Variants in KAT6A observed in about 807,000 individuals in gnomAD.
The protein encoded by KAT6A is lysine acetyltransferase 6A.
In KAT6A, 9 loss-of-function variants were observed where a neutral mutation model predicts 198.4. The ratio of observed to expected loss-of-function variants is 0.05; its 90% confidence interval spans 0.03 to 0.08. The LOEUF (loss-of-function observed/expected upper bound fraction) is 0.08. Ranked by LOEUF, KAT6A falls within the 10% of genes least tolerant of loss-of-function variation. The pLI is 1.00. For synonymous variants in KAT6A, 890 were observed against 883.0 expected (o/e 1.01, Z -0.14); for missense variants, 2,077 against 2,509.9 (o/e 0.83, Z 3.69).
At chr8:41,934,966 A>T (rs1017071766) in intron 16 of KAT6A, 99 bp from the exon 17 acceptor site, 2 of 972,964 alleles carry the variant, frequency 2.1e-6, no homozygotes, top group Non-Finnish European at 3.1e-6. Flanking sequence ...TGACTTTATT[A>T]ATCATTACTT....
rs370618552 is a variant in KAT6A, at chr8:41,934,662, T to C, written c.3558A>G (p.Ala1186=). ...SREIMPVSTQ[A]CVIEPIVSIP... is the part of the protein sequence containing the mutation. ...TGGAAACGATGGGCTCAATGACGCA[T>C]GCTTGAGTAGAAACTGGCATGATTT... The change falls in exon 17 of 17, where the codon GCA becomes GCG. Residue 1186 remains alanine (A), a synonymous_variant. Coordinates refer to ENST00000265713, the MANE Select transcript of KAT6A (RefSeq NM_006766.5). 1.2e-6 allele frequency: 2 copies of C among 1,614,090 alleles called. No individual in the cohort carries two copies. Among genetic ancestry groups the C allele is most frequent in the Non-Finnish European group, 1.7e-6 (2 of 1,180,046 alleles).
chr8:41,940,765 G>T, intron 15 of KAT6A, 77 bp downstream of exon 15: 1 of 1,508,930 alleles, frequency 6.6e-7, no homozygotes, highest in Non-Finnish European at 8.9e-7. Flanking sequence ...TACTCTTTCA[G>T]AACTGTAAGC....
chr8:41,956,475 C>A (rs894761690), intron 8 of KAT6A, among the ~76,000 whole-genome samples: 3 of 152,186 alleles, frequency 2.0e-5, no homozygotes, highest in African/African-American at 7.2e-5. Context: ...TTGGAGCATG[C>A]AGACACACAT....
At chr8:41,992,550 G>A (rs1029632083) in intron 2 of KAT6A, among the ~76,000 whole-genome samples, 16 of 152,174 alleles carry the variant, frequency 1.1e-4, no homozygotes, top group Admixed American at 1.0e-3. Context: ...AAACAGGGGT[G>A]AGAGCATGGA....
Position 41,933,118 on chromosome 8 carries a change from G to A in KAT6A, c.5102C>T (p.Pro1701Leu), listed in dbSNP as rs199692549. ...GTTATTCATACTACACTGTGACAGC[G>A]GGGGCTGCTGCTGGGGAGGGGGTGG... is the stretch of plus-strand genomic sequence containing the variant. The part of the protein sequence containing the change: ...PPPPPPQQQP[P>L]LSQCSMNNSF... Residue 1701 changes from proline to leucine, a missense_variant, in exon 17 of 17, where the codon CCG becomes CTG. By Grantham distance (98) the Pro-to-Leu change is moderately conservative. This residue lies in a region of KAT6A where 500 missense variants were observed against 577.2 expected (regional missense o/e 0.87). Coordinates refer to ENST00000265713, the MANE Select transcript of KAT6A (RefSeq NM_006766.5). This position sits in a 1 kb window ranked among gnomAD's most constrained non-coding sequence, Gnocchi z 6.2. 4.3e-5 allele frequency: 70 copies of A among 1,610,214 alleles called. No individual in the cohort carries two copies. The highest frequency in any genetic ancestry group is 1.8e-4 in the Middle Eastern group (1 of 5,664).
At chr8:41,989,998 A>T (rs1824847736) in intron 2 of KAT6A, among the ~76,000 whole-genome samples, 1 of 152,206 alleles carries the variant, frequency 6.6e-6, no homozygotes, top group African/African-American at 2.4e-5. Context: ...AGTATGAAAA[A>T]AGAACTGGGG....
At chr8:42,036,911 GT>G (rs1019329430) in intron 2 of KAT6A, among the ~76,000 whole-genome samples, 7 of 152,128 alleles carry the variant, frequency 4.6e-5, no homozygotes, top group African/African-American at 1.7e-4. Flanking sequence ...TCCAAAGTGT[GT>G]TCATGAGGGT....
At chr8:42,036,764 G>T (rs539603922) in intron 2 of KAT6A, among the ~76,000 whole-genome samples, 1 of 152,120 alleles carries the variant, frequency 6.6e-6, no homozygotes, top group Non-Finnish European at 1.5e-5. Flanking sequence ...TAACTTTCTC[G>T]CAACTATATA....
Position 42,015,956 on chromosome 8 carries a change from C to A in KAT6A, c.601-28393G>T, listed in dbSNP as rs559266221. ...ATTTTTCCCCTTGAAGTAACTCCCA[C>A]AGACATTTTAATGCAAATGCAGATG... On this transcript the variant is annotated intron_variant, in intron 2 of 16. Transcript: ENST00000265713. 2.0e-3 allele frequency among the ~76,000 whole-genome samples: 311 copies of A among 152,274 alleles called. 1 individual carries two copies. Among genetic ancestry groups the A allele is most frequent in the Non-Finnish European group, 3.0e-3 (201 of 68,012 alleles).
intron 2 of KAT6A, among the ~76,000 whole-genome samples, chr8:42,028,322 C>T (rs1363116507): frequency 2.0e-5 from 3 of 152,230 alleles, no homozygotes; most frequent in Non-Finnish European, 4.4e-5. Context: ...CAATTCTGAG[C>T]GTGAAGTGTT....
intron 12 of KAT6A, among the ~76,000 whole-genome samples, chr8:41,945,533 G>A (rs2150864559): frequency 6.6e-6 from 1 of 152,166 alleles, no homozygotes; most frequent in South Asian, 2.1e-4. Flanking sequence ...GCCTCCCAAA[G>A]TGTTGGGATT....
At chr8:41,957,395 AC>A in intron 8 of KAT6A, 1 of 441,368 alleles carries the variant, frequency 2.3e-6, no homozygotes. Context: ...CTACACAGAA[AC>A]CACTCATTCC....
At chr8:42,026,513 T>C (rs1826821522) in intron 2 of KAT6A, among the ~76,000 whole-genome samples, 1 of 152,240 alleles carries the variant, frequency 6.6e-6, no homozygotes, top group Non-Finnish European at 1.5e-5. Context: ...AACTAGGTTT[T>C]GTGTGATTGT....
chr8:42,048,353 AC>A, intron 2 of KAT6A, 24 bp downstream of exon 2: 1 of 1,605,794 alleles, frequency 6.2e-7, no homozygotes, highest in Non-Finnish European at 8.5e-7. Context: ...AGCTCTATAA[AC>A]CCCGAAGCAT....
At chr8:41,938,680 C>G (rs147127020) in intron 15 of KAT6A, among the ~76,000 whole-genome samples, 1 of 152,052 alleles carries the variant, frequency 6.6e-6, no homozygotes, top group Non-Finnish European at 1.5e-5. Flanking sequence ...GGCGCGGTGG[C>G]TCACACCTGT....
chr8:42,001,237 T>C (rs1245683317), intron 2 of KAT6A, among the ~76,000 whole-genome samples: 1 of 152,150 alleles, frequency 6.6e-6, no homozygotes, highest in Non-Finnish European at 1.5e-5. Context: ...CAGAGAATTA[T>C]TAAGAAAGGG....
At chr8:41,956,258 G>T (rs1170890012) in intron 8 of KAT6A, among the ~76,000 whole-genome samples, 1 of 152,144 alleles carries the variant, frequency 6.6e-6, no homozygotes. Context: ...ACCCAGTCTA[G>T]CAACAGATGC....
At chr8:41,937,973 A>G (rs1054137639) in intron 15 of KAT6A, among the ~76,000 whole-genome samples, 1 of 152,238 alleles carries the variant, frequency 6.6e-6, no homozygotes, top group African/African-American at 2.4e-5. Flanking sequence ...GAAGGTTTGC[A>G]GAACTATCAG....
Position 41,966,223 on chromosome 8 carries a change from C to T in KAT6A, c.1482+8481G>A, listed in dbSNP as rs181943712. Among the ~76,000 whole-genome samples, 466 of 152,098 alleles carry T rather than the reference C, an allele frequency of 3.1e-3. 3 individuals are homozygous for T. Among genetic ancestry groups the T allele is most frequent in the East Asian group, 8.5e-3 (44 of 5,162 alleles). ...AGGTTCTTGGAATACACAGATAATA[C>T]GTCTTTGCCCTCCAGCTGGAATTAT... On this transcript the variant is annotated intron_variant, in intron 8 of 16. Coordinates refer to ENST00000265713, the MANE Select transcript of KAT6A (RefSeq NM_006766.5).
Sources: allele counts gnomAD v4.1 joint callset (sites outside exome capture counted in the v4.1 genomes callset), GRCh38; gene constraint gnomAD v4.1.1; regional missense constraint gnomAD v4.1.1; non-coding constraint Gnocchi (gnomAD v3.1); transcripts MANE v1.5; gene names NCBI Gene and HGNC (gene_info 2026-07-23, HGNC 2026-07-21).